Variants in LNX1 observed in about 807,000 individuals in gnomAD.
The protein encoded by LNX1 is ligand of numb-protein X 1, also known as E3 ubiquitin-protein ligase LNX.
LNX1 carries 54 observed loss-of-function variants against 68.4 expected under a neutral mutation model. The observed-to-expected ratio is 0.79, with a 90% CI of 0.63 to 0.99. LNX1 has a LOEUF of 0.99. Among genes scored for constraint, LNX1 ranks in the 50% least tolerant of loss-of-function variants. The probability of loss-of-function intolerance (pLI) is 0.00; values close to 1 mark genes in which losing one functional copy is unlikely to be tolerated. For missense variants in LNX1, 906 were observed against 926.4 expected, an observed-to-expected ratio of 0.98 and a Z score of 0.29; for synonymous variants, 336 against 350.0, an observed-to-expected ratio of 0.96 and a Z score of 0.45.
intron 2 of LNX1, among the ~76,000 whole-genome samples, chr4:53,568,341 T>C (rs1223956185): frequency 6.6e-6 from 1 of 151,474 alleles, no homozygotes; most frequent in Non-Finnish European, 1.5e-5. Flanking sequence ...GCTGGTTCAA[T>C]ATACGCAAAT....
intron 1 of LNX1, among the ~76,000 whole-genome samples, chr4:53,634,304 C>T (rs1734381628): frequency 6.7e-6 from 1 of 149,582 alleles, no homozygotes; most frequent in Non-Finnish European, 1.5e-5. Flanking sequence ...AGTACAGTGG[C>T]AGGATCTCAG....
At position 53,636,752 on chromosome 4, in the gene LNX1, C is replaced by T. The variant is rs1734495048; in HGVS notation, c.-215+15416G>A. On this transcript the variant is annotated intron_variant, in intron 1 of 2. Transcript: ENST00000507168. ...AACCCTCAGCTCCCTTTTCATCTTA[C>T]ACACCCAATTAGCTGATTCCATCCT... Among the ~76,000 whole-genome samples the T allele has an allele frequency of 2.0e-5, 3 of 152,212 alleles. No homozygotes were observed. In the East Asian group the frequency reaches 5.8e-4, roughly 29 times the overall value.
intron 2 of LNX1, chr4:53,557,892 T>G (rs1213979732): frequency 6.2e-7 from 1 of 1,613,278 alleles, no homozygotes; most frequent in East Asian, 2.2e-5. Context: ...ATACAGGAAG[T>G]GCAGGTTGCC....
chr4:53,576,666 T>C (rs532513493), intron 1 of LNX1, among the ~76,000 whole-genome samples: 16 of 152,148 alleles, frequency 1.1e-4, no homozygotes, highest in South Asian at 6.2e-4. Flanking sequence ...TCCTGCCTCT[T>C]CCCTCAGCCC....
chr4:53,494,910 G>T (rs540252996), intron 6 of LNX1, among the ~76,000 whole-genome samples: 2 of 152,166 alleles, frequency 1.3e-5, no homozygotes, highest in African/African-American at 2.4e-5. Context: ...CCCCAAGTCC[G>T]TATATGATTT....
At chr4:53,568,713 A>G (rs1043832148) in intron 2 of LNX1, among the ~76,000 whole-genome samples, 1 of 151,928 alleles carries the variant, frequency 6.6e-6, no homozygotes, top group African/African-American at 2.4e-5. Context: ...GAAAAAAGGA[A>G]GTCAAATTGT....
At position 53,494,655 on chromosome 4, in the gene LNX1, C is replaced by T. The variant is rs572827609; in HGVS notation, c.1350+1368G>A. Among the ~76,000 whole-genome samples the T allele has an allele frequency of 5.3e-5, 8 of 152,336 alleles. No homozygotes were observed. The East Asian group carries it at 7.7e-4, about 15-fold the overall frequency. On this transcript the variant is annotated intron_variant, in intron 6 of 10. Coordinates refer to ENST00000263925, the MANE Select transcript of LNX1 (RefSeq NM_001126328.3). ...AGTCATTTAGATAAAGTCCAGCTTT[C>T]CTGCCACACTGGAGGATCCTTTGGA...
intron 1 of LNX1, among the ~76,000 whole-genome samples, chr4:53,632,634 C>T (rs1734321061): frequency 6.6e-6 from 1 of 152,170 alleles, no homozygotes; most frequent in Admixed American, 6.5e-5. Flanking sequence ...CTCTATCTTG[C>T]TGCCCTCCTG....
At chr4:53,596,617 G>A (rs180726845) in intron 2 of LNX1, among the ~76,000 whole-genome samples, 18 of 152,180 alleles carry the variant, frequency 1.2e-4, no homozygotes, top group Admixed American at 4.6e-4. Flanking sequence ...TTGCTATTTC[G>A]AAGGTTGCCA....
intron 2 of LNX1, among the ~76,000 whole-genome samples, chr4:53,522,240 G>C (rs1436544569): frequency 6.6e-6 from 1 of 152,090 alleles, no homozygotes; most frequent in Non-Finnish European, 1.5e-5. Context: ...ACCTGGAGTG[G>C]CCACCACTCA....
At chr4:53,540,693 AC>A (rs1353252819) in intron 2 of LNX1, among the ~76,000 whole-genome samples, 1 of 151,972 alleles carries the variant, frequency 6.6e-6, no homozygotes, top group Non-Finnish European at 1.5e-5. Context: ...AAAACAAAAA[AC>A]AAAAAACAAA....
chr4:53,552,567 G>A (rs191317967), intron 2 of LNX1, among the ~76,000 whole-genome samples: 87 of 152,150 alleles, frequency 5.7e-4, no homozygotes, highest in Admixed American at 1.0e-3. Context: ...AGTGGCTCAC[G>A]CCTGTAATTC....
intron 1 of LNX1, among the ~76,000 whole-genome samples, chr4:53,645,698 G>GC (rs1734858294): frequency 6.6e-6 from 1 of 152,180 alleles, no homozygotes; most frequent in African/African-American, 2.4e-5. Flanking sequence ...GGTCTACACT[G>GC]CATTATCTTG....
At chr4:53,591,571 G>A, upstream of LNX1, 1 of 985,428 alleles carries the variant, frequency 1.0e-6, no homozygotes, top group Non-Finnish European at 1.2e-6. Flanking sequence ...GTGACATCAC[G>A]GAAGCCCCGA....
intron 4 of LNX1, 39 bp downstream of exon 4, chr4:53,507,278 C>T (rs749277853): frequency 1.9e-6 from 3 of 1,596,390 alleles, no homozygotes; most frequent in Non-Finnish European, 1.7e-6. Flanking sequence ...CCTGGAAGCC[C>T]AGCCCATGTC....
chr4:53,563,905 G>A (rs1468406099), intron 2 of LNX1, among the ~76,000 whole-genome samples: 1 of 152,208 alleles, frequency 6.6e-6, no homozygotes, highest in Admixed American at 6.5e-5. Flanking sequence ...TGTATATCAG[G>A]CATATGGTGA....
intron 1 of LNX1, among the ~76,000 whole-genome samples, chr4:53,631,361 A>G (rs1232406614): frequency 6.6e-6 from 1 of 152,230 alleles, no homozygotes; most frequent in Non-Finnish European, 1.5e-5. Context: ...CCTTCAGCAG[A>G]AAGAGACCTG....
chr4:53,615,125 C>T (rs557357593), intron 2 of LNX1, among the ~76,000 whole-genome samples: 1 of 152,182 alleles, frequency 6.6e-6, no homozygotes, highest in African/African-American at 2.4e-5. Context: ...GAGAAAAATG[C>T]CACGATTGAA....
At chr4:53,482,738 C>T (rs893524994) in intron 6 of LNX1, among the ~76,000 whole-genome samples, 1 of 152,116 alleles carries the variant, frequency 6.6e-6, no homozygotes, top group Non-Finnish European at 1.5e-5. Flanking sequence ...TGAAAAACTG[C>T]CTATTTGGTA....
Sources: allele counts gnomAD v4.1 joint callset (sites outside exome capture counted in the v4.1 genomes callset), GRCh38; gene constraint gnomAD v4.1.1; transcripts MANE v1.5; gene names NCBI Gene and HGNC (gene_info 2026-07-23, HGNC 2026-07-21).